The following FMN2 variants were observed in gnomAD, a reference collection of about 807,000 sequenced individuals.
The protein encoded by FMN2 is formin-2.
Under a neutral mutation model 142.3 loss-of-function variants are expected in FMN2, and 51 were observed. The ratio of observed to expected loss-of-function variants is 0.36; its 90% CI spans 0.29 to 0.45. The LOEUF is 0.45. Among genes scored for constraint, FMN2 ranks in the 20% least tolerant of loss-of-function variants. FMN2 has a pLI of 1.00. For synonymous variants in FMN2, 882 were observed against 869.8 expected, an observed-to-expected ratio of 1.01 and a Z score of -0.25; for missense variants, 1,936 against 2,122.8, an observed-to-expected ratio of 0.91 and a Z score of 1.73.
intron 7 of FMN2, among the ~76,000 whole-genome samples, chr1:240,271,099 T>C (rs868791240): frequency 2.3e-4 from 11 of 47,584 alleles, no homozygotes; most frequent in African/African-American, 2.8e-4. Flanking sequence ...TCCACGATGG[T>C]TTTTTTTTTT....
chr1:240,394,948 A>G (rs1420975865), intron 15 of FMN2, among the ~76,000 whole-genome samples: 2 of 152,210 alleles, frequency 1.3e-5, no homozygotes, highest in Non-Finnish European at 2.9e-5. Context: ...AGCCTGGGTG[A>G]CAGAGTGAGA....
intron 16 of FMN2, chr1:240,459,245 A>G (rs1380764297): frequency 6.6e-6 from 1 of 152,182 alleles, no homozygotes; most frequent in Non-Finnish European, 1.5e-5. Context: ...TCTAAATTTT[A>G]CAGAATAGAA....
chr1:240,328,408 A>G (rs1671266792), intron 8 of FMN2, among the ~76,000 whole-genome samples: 1 of 151,768 alleles, frequency 6.6e-6, no homozygotes, highest in Admixed American at 6.6e-5. Flanking sequence ...TGTGTTCTAG[A>G]AAGTATTATA....
intron 4 of FMN2, among the ~76,000 whole-genome samples, chr1:240,191,049 A>G (rs1485082549): frequency 6.6e-6 from 1 of 152,176 alleles, no homozygotes; most frequent in African/African-American, 2.4e-5. Context: ...GATGAACCTA[A>G]GAGATTTTTC....
chr1:240,148,335 CAG>C (rs1487443517), intron 2 of FMN2, among the ~76,000 whole-genome samples: 2 of 140,606 alleles, frequency 1.4e-5, no homozygotes, highest in African/African-American at 5.2e-5. Flanking sequence ...GAGAGACAGA[CAG>C]ATAAAGAGAG....
chr1:240,261,268 G>T (rs963009546), intron 7 of FMN2, among the ~76,000 whole-genome samples: 4 of 151,774 alleles, frequency 2.6e-5, no homozygotes, highest in African/African-American at 9.7e-5. Context: ...AGACCTGTGA[G>T]TGGTCCAGTT....
rs755698273 is a variant in FMN2, at chr1:240,472,366, C to T, written c.5061-6C>T. 2 of 1,608,020 alleles carry T rather than the reference C, an allele frequency of 1.2e-6. No individual in the cohort carries two copies. Among genetic ancestry groups the T allele is most frequent in the South Asian group, 2.2e-5 (2 of 89,508 alleles). Reference sequence around the variant, plus strand: ...TGTTTAAATACATGTGTCTTCTCCCCATCAGAGTAAAAGAAGCCGAAGAGG... The same window carrying T: ...TGTTTAAATACATGTGTCTTCTCCCTATCAGAGTAAAAGAAGCCGAAGAGG... On this transcript the variant is annotated splice_polypyrimidine_tract_variant and splice_region_variant and intron_variant, in intron 16 of 17. Coordinates refer to ENST00000319653, the MANE Select transcript of FMN2 (RefSeq NM_020066.5).
chr1:240,210,040 T>C (rs1207553885), intron 5 of FMN2, among the ~76,000 whole-genome samples: 2 of 152,136 alleles, frequency 1.3e-5, no homozygotes, highest in East Asian at 3.9e-4. Context: ...AATAATTTAG[T>C]TTTGAAAATT....
chr1:240,188,413 G>T, intron 4 of FMN2, 151 bp downstream of exon 4: 1 of 680,276 alleles, frequency 1.5e-6, no homozygotes, highest in East Asian at 2.8e-5. Flanking sequence ...CAGGCAGAAG[G>T]GGATGTTTTC....
intron 2 of FMN2, among the ~76,000 whole-genome samples, chr1:240,150,205 T>C (rs879268839): frequency 3.3e-5 from 5 of 152,184 alleles, no homozygotes; most frequent in Non-Finnish European, 7.3e-5. Context: ...ACAAAAATTT[T>C]GTACAGAAGC....
At chr1:240,157,150 G>A (rs1664058100) in intron 2 of FMN2, among the ~76,000 whole-genome samples, 1 of 152,178 alleles carries the variant, frequency 6.6e-6, no homozygotes. Context: ...TTCCTCTACA[G>A]TGCTGTGTTA....
intron 13 of FMN2, among the ~76,000 whole-genome samples, chr1:240,344,975 C>T (rs1017471773): frequency 6.6e-6 from 1 of 152,166 alleles, no homozygotes; most frequent in African/African-American, 2.4e-5. Context: ...CACATAAAAA[C>T]ATGGTCTACA....
chr1:240,168,457 T>C (rs2103305371), intron 2 of FMN2, among the ~76,000 whole-genome samples: 1 of 152,086 alleles, frequency 6.6e-6, no homozygotes, highest in South Asian at 2.1e-4. Flanking sequence ...GGCATCATGG[T>C]ACTCACCTGT....
At chr1:240,454,335 A>G (rs1448985598) in intron 16 of FMN2, among the ~76,000 whole-genome samples, 1 of 152,162 alleles carries the variant, frequency 6.6e-6, no homozygotes, top group Non-Finnish European at 1.5e-5. Flanking sequence ...TGAGGTCAGG[A>G]GTTCAAGACC....
At chr1:240,123,903 A>G (rs539781498) in intron 2 of FMN2, among the ~76,000 whole-genome samples, 4 of 152,222 alleles carry the variant, frequency 2.6e-5, no homozygotes, top group African/African-American at 7.2e-5. Flanking sequence ...GGTAGCTCAT[A>G]TAAGTGGAAT....
At chr1:240,348,697 A>G (rs1403679814) in intron 13 of FMN2, among the ~76,000 whole-genome samples, 3 of 152,108 alleles carry the variant, frequency 2.0e-5, no homozygotes, top group Non-Finnish European at 4.4e-5. Flanking sequence ...CTTCCGTTCA[A>G]TTACCAAGCT....
chr1:240,271,098 G>T (rs78988743), intron 7 of FMN2, among the ~76,000 whole-genome samples: 22 of 72,224 alleles, frequency 3.0e-4, no homozygotes, highest in African/African-American at 6.6e-4. Flanking sequence ...TTCCACGATG[G>T]TTTTTTTTTT....
At chr1:240,348,777 T>G (rs1055560691) in intron 13 of FMN2, among the ~76,000 whole-genome samples, 1 of 152,234 alleles carries the variant, frequency 6.6e-6, no homozygotes, top group African/African-American at 2.4e-5. Context: ...CTCTCGCTTT[T>G]GTCAGTACAT....
intron 16 of FMN2, among the ~76,000 whole-genome samples, chr1:240,469,950 C>T (rs1362444293): frequency 2.0e-5 from 3 of 152,142 alleles, no homozygotes; most frequent in African/African-American, 4.8e-5. Flanking sequence ...TGCACATTCT[C>T]CTCAGTTTTT....
Sources: allele counts gnomAD v4.1 joint callset (sites outside exome capture counted in the v4.1 genomes callset), GRCh38; gene constraint gnomAD v4.1.1; transcripts MANE v1.5; gene names NCBI Gene and HGNC (gene_info 2026-07-23, HGNC 2026-07-21).